Variants in TNFAIP6 observed in about 807,000 individuals in gnomAD.
TNFAIP6 encodes TNF alpha induced protein 6.
A neutral mutation model predicts 33.7 loss-of-function variants in TNFAIP6; 36 were observed. That is an observed-to-expected ratio of 1.07 (90% confidence interval 0.82 to 1.41). The LOEUF (loss-of-function observed/expected upper bound fraction) is 1.41, where lower values mean the gene tolerates loss of function less well. Ranked by LOEUF, TNFAIP6 falls within the 40% of genes most tolerant of loss-of-function variation. TNFAIP6 has a pLI of 0.00. For missense variants in TNFAIP6, 273 were observed against 331.9 expected (o/e 0.82, Z 1.38); for synonymous variants, 113 against 112.8 (o/e 1.00, Z -0.01).
At chr2:151,371,288 G>A (rs1331764925) in intron 4 of TNFAIP6, among the ~76,000 whole-genome samples, 1 of 151,896 alleles carries the variant, frequency 6.6e-6, no homozygotes, top group African/African-American at 2.4e-5. Flanking sequence ...ATGATATATT[G>A]CAAATTAAAG....
rs1462498773 is a variant in TNFAIP6, at chr2:151,357,633, C to T, written c.-34C>T. The T allele has an allele frequency of 2.2e-6, 3 of 1,339,702 alleles. No homozygotes were observed. In the African/African-American group the frequency reaches 4.3e-5, roughly 19 times the overall value. 83.0% of individuals were successfully genotyped at this position (1,339,702 alleles called of 1,614,324 possible). On this transcript the variant is annotated 5_prime_UTR_variant, in exon 1 of 6. Coordinates refer to ENST00000243347, the MANE Select transcript of TNFAIP6 (RefSeq NM_007115.4). ...CTGCTCTGAGAATTTGTGAGCAGCC[C>T]CTAACAGGCTGTTACTTCACTACAA... is the stretch of plus-strand genomic sequence containing the variant.
At chr2:151,366,015 C>T (rs1048746136) in intron 2 of TNFAIP6, 41 bp from the exon 3 acceptor site, 1 of 1,600,356 alleles carries the variant, frequency 6.2e-7, no homozygotes, top group Non-Finnish European at 8.6e-7. Flanking sequence ...TTAGCCAAGA[C>T]AGTTTACCTG....
At chr2:151,371,704 C>A (rs13417120) in intron 4 of TNFAIP6, among the ~76,000 whole-genome samples, 4,165 of 152,014 alleles carry the variant, frequency 0.027, 158 homozygotes, top group African/African-American at 0.085. Context: ...CAGCAATTCT[C>A]CTGCCCCAGC....
chr2:151,371,013 G>A (rs938018945), intron 4 of TNFAIP6, among the ~76,000 whole-genome samples: 11 of 151,956 alleles, frequency 7.2e-5, no homozygotes, highest in Admixed American at 7.2e-4. Flanking sequence ...GGAGGTTGCA[G>A]TGAGCCAAGA....
chr2:151,375,694 CA>C (rs1684895166), intron 5 of TNFAIP6, among the ~76,000 whole-genome samples: 1 of 148,920 alleles, frequency 6.7e-6, no homozygotes, highest in Non-Finnish European at 1.5e-5. Flanking sequence ...GGTGACAGAG[CA>C]AGACCCCATC....
At chr2:151,370,654 T>G (rs911609884) in intron 4 of TNFAIP6, among the ~76,000 whole-genome samples, 1 of 152,226 alleles carries the variant, frequency 6.6e-6, no homozygotes, top group African/African-American at 2.4e-5. Flanking sequence ...ATGGCTAAGT[T>G]GTAAGAACTA....
At chr2:151,360,059 T>C (rs1224764602) in intron 1 of TNFAIP6, among the ~76,000 whole-genome samples, 1 of 151,694 alleles carries the variant, frequency 6.6e-6, no homozygotes, top group East Asian at 1.9e-4. Flanking sequence ...ACTGTGGGAG[T>C]CTGAGGTGGG....
intron 4 of TNFAIP6, among the ~76,000 whole-genome samples, 156 bp from the exon 5 acceptor site, chr2:151,373,393 C>T (rs58377527): frequency 0.18 from 27,613 of 152,118 alleles, 2,873 homozygotes; most frequent in African/African-American, 0.29. Flanking sequence ...TTAACTCCTA[C>T]TCTCTCTTAC....
Position 151,363,930 on chromosome 2 carries a change from T to C in TNFAIP6, c.95-13T>C. The C allele has an allele frequency of 6.2e-7, 1 of 1,610,752 alleles. No homozygotes were observed. The highest frequency in any genetic ancestry group is 8.5e-7 in the Non-Finnish European group (1 of 1,179,158). ...GAACAACAGTGCTTTTATGACATCA[T>C]CTGATTTTGCAGAACGAGCAGCCGG... On this transcript the variant is annotated splice_polypyrimidine_tract_variant and intron_variant, in intron 1 of 5. Coordinates refer to ENST00000243347, the MANE Select transcript of TNFAIP6 (RefSeq NM_007115.4).
chr2:151,370,182 C>T lies in TNFAIP6; in HGVS notation c.557C>T (p.Pro186Leu). 1 of 1,614,114 alleles carries T rather than the reference C, an allele frequency of 6.2e-7. No individual in the cohort carries two copies. Among genetic ancestry groups the T allele is most frequent in the Non-Finnish European group, 8.5e-7 (1 of 1,180,020 alleles). Residue 186 changes from proline to leucine, a missense_variant, in exon 4 of 6, where the codon CCA (proline) becomes CTA (leucine). Pro to Leu is a moderately conservative substitution (Grantham distance 98). Coordinates refer to ENST00000243347, the MANE Select transcript of TNFAIP6 (RefSeq NM_007115.4). ...TTAGATTTTGACCTTGAAGATGACCCAGGTTGCTTGGCTGATTATGTTGAA... is the reference window on the plus strand; with the variant it reads ...TTAGATTTTGACCTTGAAGATGACCTAGGTTGCTTGGCTGATTATGTTGAA... Reference protein sequence around the residue: ...SFLDFDLEDDPGCLADYVEIY... With the variant: ...SFLDFDLEDDLGCLADYVEIY...
chr2:151,377,739 A>T (rs1684941491), intron 5 of TNFAIP6, among the ~76,000 whole-genome samples: 1 of 151,442 alleles, frequency 6.6e-6, no homozygotes, highest in South Asian at 2.1e-4. Flanking sequence ...TCTCTTTTTT[A>T]TTTCTTTGTA....
downstream of TNFAIP6, among the ~76,000 whole-genome samples, chr2:151,380,776 G>A (rs142533050): frequency 2.8e-3 from 423 of 152,276 alleles, 5 homozygotes; most frequent in Non-Finnish European, 3.7e-3. Flanking sequence ...TTCTTGGAAG[G>A]TCAGATAAAC....
Position 151,379,014 on chromosome 2 carries a change from C to A in TNFAIP6, c.665-350C>A, listed in dbSNP as rs181213230. 3.1e-3 allele frequency among the ~76,000 whole-genome samples: 471 copies of A among 152,082 alleles called. 8 individuals carry two copies. Among genetic ancestry groups the A allele is most frequent in the Admixed American group, 0.021 (322 of 15,288 alleles). ...ACTCGGGAGGCTGAGGCAGGAGAATCGCTTGAGCCCGGGAGGCGGAGGTTG... is the reference window on the plus strand; with the variant it reads ...ACTCGGGAGGCTGAGGCAGGAGAATAGCTTGAGCCCGGGAGGCGGAGGTTG... On this transcript the variant is annotated intron_variant, in intron 5 of 5. Transcript: ENST00000243347.
At chr2:151,380,209 A>AT (rs1457166010), downstream of TNFAIP6, among the ~76,000 whole-genome samples, 2 of 151,848 alleles carry the variant, frequency 1.3e-5, no homozygotes, top group South Asian at 2.1e-4. Context: ...TGGTTATATA[A>AT]TTTTTTGTTA....
At chr2:151,358,266 G>C (rs1342599039) in intron 1 of TNFAIP6, among the ~76,000 whole-genome samples, 1 of 152,086 alleles carries the variant, frequency 6.6e-6, no homozygotes, top group African/African-American at 2.4e-5. Flanking sequence ...TTGCAGTACA[G>C]AAAAAAGTGA....
At chr2:151,380,248 CT>C (rs886399664), downstream of TNFAIP6, among the ~76,000 whole-genome samples, 62 of 151,410 alleles carry the variant, frequency 4.1e-4, no homozygotes, top group Admixed American at 1.4e-3. Context: ...TTTTCCATGC[CT>C]TTTTTTCACT....
At position 151,357,762 on chromosome 2, in the gene TNFAIP6, T is replaced by G. The variant is rs763667838; in HGVS notation, c.94+2T>G. 3.2e-6 allele frequency: 5 copies of G among 1,584,344 alleles called. No homozygotes were observed. The highest frequency in any genetic ancestry group is 4.3e-6 in the Non-Finnish European group (5 of 1,153,446). ...TTTTTCATAACTCCATATGGCTTGG[T>G]AAGAACCTTCACTCATGAGCCTCTT... is the stretch of plus-strand genomic sequence containing the variant. On this transcript the variant is annotated splice_donor_variant, in intron 1 of 5. Transcript: ENST00000243347. LOFTEE classifies it high-confidence loss of function.
At chr2:151,364,166 C>T (rs1684674607) in intron 2 of TNFAIP6, 86 bp downstream of exon 2, 3 of 1,461,490 alleles carry the variant, frequency 2.1e-6, no homozygotes, top group Non-Finnish European at 2.8e-6. Flanking sequence ...AGACTTCTTT[C>T]TCCAACCCCC....
chr2:151,376,292 C>T (rs753163589), intron 5 of TNFAIP6, among the ~76,000 whole-genome samples: 9 of 151,926 alleles, frequency 5.9e-5, no homozygotes, highest in Middle Eastern at 3.4e-3. Flanking sequence ...CTGATGCGTA[C>T]CTGTAGTCCC....
Sources: gnomAD v4.1 joint callset for allele counts (sites outside exome capture counted in the v4.1 genomes callset) on GRCh38, gnomAD v4.1.1 for gene constraint, MANE v1.5 for transcripts, NCBI Gene and HGNC (gene_info 2026-07-23, HGNC 2026-07-21) for gene names.